DLGAP2: variants seen among roughly 807,000 people sequenced by gnomAD.
DLGAP2 encodes DLG associated protein 2, also known as disks large-associated protein 2.
Under a neutral mutation model 100.3 loss-of-function variants are expected in DLGAP2, and 26 were observed. The observed-to-expected ratio is 0.26, with a 90% CI of 0.19 to 0.36. The LOEUF is 0.36. Among genes scored for constraint, DLGAP2 ranks in the 10% least tolerant of loss-of-function variants. The probability of loss-of-function intolerance (pLI) is 1.00; values close to 1 mark genes in which losing one functional copy is unlikely to be tolerated. For missense variants in DLGAP2, 1,858 were observed against 1,453.2 expected (o/e 1.28, Z -4.53); for synonymous variants, 886 against 630.1 (o/e 1.41, Z -6.08).
At chr8:1,322,098 A>T (rs953650333) in intron 3 of DLGAP2, among the ~76,000 whole-genome samples, 2 of 152,208 alleles carry the variant, frequency 1.3e-5, no homozygotes, top group Non-Finnish European at 2.9e-5. Flanking sequence ...TGAACTAATG[A>T]TTTAAAAAAA....
chr8:843,127 T>C (rs953885656), intron 1 of DLGAP2, among the ~76,000 whole-genome samples: 2 of 152,350 alleles, frequency 1.3e-5, no homozygotes, highest in Admixed American at 1.3e-4. Flanking sequence ...ATGATAGCTT[T>C]CTGTTGCTTA....
intron 4 of DLGAP2, among the ~76,000 whole-genome samples, chr8:1,526,331 C>T (rs1316053291): frequency 3.9e-5 from 6 of 151,916 alleles, no homozygotes; most frequent in Non-Finnish European, 7.4e-5. Context: ...GCACGCCTAC[C>T]GGCAGGGCTG....
At chr8:1,199,057 T>G (rs528487853) in intron 2 of DLGAP2, among the ~76,000 whole-genome samples, 5 of 152,324 alleles carry the variant, frequency 3.3e-5, no homozygotes, top group Non-Finnish European at 5.9e-5. Flanking sequence ...GTTCCAGACT[T>G]CCAGACTGCT....
chr8:1,191,401 A>C (rs1476045140), intron 2 of DLGAP2, among the ~76,000 whole-genome samples: 2 of 152,060 alleles, frequency 1.3e-5, no homozygotes, highest in African/African-American at 4.8e-5. Context: ...TGATCTCCTG[A>C]CCTTGTGATC....
At chr8:770,381 C>A (rs1184571282) in intron 1 of DLGAP2, among the ~76,000 whole-genome samples, 1 of 152,158 alleles carries the variant, frequency 6.6e-6, no homozygotes, top group African/African-American at 2.4e-5. Context: ...ATCACAGGTC[C>A]ATGCTATGCC....
intron 1 of DLGAP2, among the ~76,000 whole-genome samples, chr8:799,571 C>G (rs1585875862): frequency 6.6e-6 from 1 of 152,158 alleles, no homozygotes; most frequent in East Asian, 1.9e-4. Context: ...ATGCATTTTG[C>G]AAATGATGCC....
chr8:1,225,432 G>C (rs984350032), intron 2 of DLGAP2, among the ~76,000 whole-genome samples: 4 of 152,230 alleles, frequency 2.6e-5, no homozygotes, highest in Non-Finnish European at 2.9e-5. Flanking sequence ...ACAGAGAGGA[G>C]AATGGGGAAC....
intron 3 of DLGAP2, among the ~76,000 whole-genome samples, chr8:1,447,553 C>T (rs190665051): frequency 0.012 from 1,843 of 152,228 alleles, 37 homozygotes; most frequent in African/African-American, 0.041. Flanking sequence ...TTCTCTTTTT[C>T]GGTTGTGTCT....
At chr8:1,365,690 C>G (rs1259442130) in intron 3 of DLGAP2, among the ~76,000 whole-genome samples, 1 of 152,156 alleles carries the variant, frequency 6.6e-6, no homozygotes, top group Non-Finnish European at 1.5e-5. Flanking sequence ...ATCTCGGGTC[C>G]CAGTAGATGG....
At chr8:996,475 G>C (rs1347200293) in intron 2 of DLGAP2, among the ~76,000 whole-genome samples, 1 of 152,176 alleles carries the variant, frequency 6.6e-6, no homozygotes, top group Non-Finnish European at 1.5e-5. Context: ...GGAACATTGT[G>C]TTAGGGTGGA....
intron 1 of DLGAP2, among the ~76,000 whole-genome samples, chr8:746,303 C>T (rs768780406): frequency 7.9e-5 from 12 of 152,224 alleles, no homozygotes; most frequent in South Asian, 2.1e-4. Flanking sequence ...CACTGCTGGG[C>T]GAGTTACTCA....
intron 1 of DLGAP2, among the ~76,000 whole-genome samples, chr8:835,652 C>T (rs894212771): frequency 9.9e-5 from 15 of 152,186 alleles, no homozygotes; most frequent in African/African-American, 2.9e-4. Context: ...AGTTCTCTTC[C>T]TGAACTTCAG....
intron 2 of DLGAP2, among the ~76,000 whole-genome samples, chr8:1,147,004 C>A (rs77848718): frequency 0.11 from 16,671 of 152,194 alleles, 1,039 homozygotes; most frequent in East Asian, 0.24. Flanking sequence ...ATTTTAAAAT[C>A]TGCCTCTCAG....
At chr8:1,466,082 C>T (rs1333702498) in intron 3 of DLGAP2, among the ~76,000 whole-genome samples, 1 of 152,162 alleles carries the variant, frequency 6.6e-6, no homozygotes, top group African/African-American at 2.4e-5. Context: ...CTTGTGCTGT[C>T]TGACATACTT....
chr8:862,683 A>G (rs1797416122), intron 1 of DLGAP2, among the ~76,000 whole-genome samples: 1 of 152,156 alleles, frequency 6.6e-6, no homozygotes, highest in South Asian at 2.1e-4. Flanking sequence ...CTGTGAAATC[A>G]GCAAGTGAGA....
At chr8:1,220,858 C>CT (rs148591459) in intron 2 of DLGAP2, among the ~76,000 whole-genome samples, 19,418 of 152,060 alleles carry the variant, frequency 0.13, 1,387 homozygotes, top group East Asian at 0.23. Context: ...TATGTAATGC[C>CT]TTTTTTGTCC....
intron 2 of DLGAP2, among the ~76,000 whole-genome samples, chr8:1,071,471 G>A (rs1803429114): frequency 6.6e-6 from 1 of 152,172 alleles, no homozygotes; most frequent in South Asian, 2.1e-4. Context: ...TCAGCTACCA[G>A]TCAGGAGAAC....
intron 3 of DLGAP2, among the ~76,000 whole-genome samples, chr8:1,440,961 A>C (rs1004767087): frequency 3.9e-5 from 6 of 152,234 alleles, no homozygotes; most frequent in Non-Finnish European, 7.3e-5. Context: ...AAAGCACGTA[A>C]GTCTACATGA....
At chr8:1,624,056 T>C (rs1033658939) in intron 6 of DLGAP2, among the ~76,000 whole-genome samples, 35 of 152,198 alleles carry the variant, frequency 2.3e-4, no homozygotes, top group African/African-American at 8.0e-4. Context: ...GATCCCTTCG[T>C]TCACGTAGCA....
Sources: allele counts gnomAD v4.1 joint callset (sites outside exome capture counted in the v4.1 genomes callset), GRCh38; gene constraint gnomAD v4.1.1; transcripts MANE v1.5; gene names NCBI Gene and HGNC (gene_info 2026-07-23, HGNC 2026-07-21).